Variants in PARD3 observed in about 807,000 individuals in gnomAD.
PARD3 encodes the protein partitioning defective 3 homolog.
PARD3 carries 75 observed loss-of-function variants against 155.4 expected under a neutral mutation model. The observed-to-expected ratio is 0.48, with a 90% CI of 0.40 to 0.58. The LOEUF is 0.58. Among genes scored for constraint, PARD3 ranks in the 20% least tolerant of loss-of-function variants. The pLI is 0.00. For synonymous variants in PARD3, 576 were observed against 610.5 expected, an observed-to-expected ratio of 0.94 and a Z score of 0.83; for missense variants, 1,642 against 1,721.7, an observed-to-expected ratio of 0.95 and a Z score of 0.82.
At chr10:34,532,452 A>G (rs1714094693) in intron 2 of PARD3, among the ~76,000 whole-genome samples, 1 of 152,054 alleles carries the variant, frequency 6.6e-6, no homozygotes, top group Non-Finnish European at 1.5e-5. Flanking sequence ...TGGGCTCATC[A>G]CGTGTTTTCT....
chr10:34,597,659 A>G (rs1042838854), intron 2 of PARD3, among the ~76,000 whole-genome samples: 1 of 152,202 alleles, frequency 6.6e-6, no homozygotes, highest in Non-Finnish European at 1.5e-5. Flanking sequence ...AAGAAAAACA[A>G]TTCTTAGAAT....
chr10:34,491,787 T>C (rs2079926659), intron 3 of PARD3, among the ~76,000 whole-genome samples: 1 of 152,256 alleles, frequency 6.6e-6, no homozygotes, highest in Non-Finnish European at 1.5e-5. Context: ...GTAGCACTTT[T>C]ACAACTCTAA....
intron 20 of PARD3, among the ~76,000 whole-genome samples, chr10:34,292,284 A>C (rs993626873): frequency 1.3e-5 from 2 of 152,220 alleles, no homozygotes; most frequent in African/African-American, 4.8e-5. Context: ...AAAAAGGAAA[A>C]GAAAATAAGT....
chr10:34,307,937 G>C (rs889835958), intron 20 of PARD3, among the ~76,000 whole-genome samples: 1 of 152,204 alleles, frequency 6.6e-6, no homozygotes, highest in African/African-American at 2.4e-5. Flanking sequence ...AAGTGGGTTA[G>C]AAAAGTGTCA....
chr10:34,139,200 T>C (rs1753583), intron 22 of PARD3, among the ~76,000 whole-genome samples: 37,071 of 152,102 alleles, frequency 0.24, 5,210 homozygotes, highest in Non-Finnish European at 0.31. Context: ...AGGTTAAAGC[T>C]TCTAAGACTC....
At chr10:34,610,680 T>C (rs2090824048) in intron 2 of PARD3, among the ~76,000 whole-genome samples, 3 of 152,222 alleles carry the variant, frequency 2.0e-5, no homozygotes, top group African/African-American at 7.2e-5. Flanking sequence ...TATAATGTGG[T>C]TGCTGACAGC....
At chr10:34,269,562 T>A in intron 22 of PARD3, 95 bp downstream of exon 22, 1 of 1,395,240 alleles carries the variant, frequency 7.2e-7, no homozygotes, top group Non-Finnish European at 9.8e-7. Context: ...TAAAAGGCAA[T>A]TCTGGTTTGA....
chr10:34,277,841 T>A lies in PARD3; in HGVS notation c.3176+6294A>T, dbSNP rs557754540. On this transcript the variant is annotated intron_variant, in intron 21 of 24. Transcript: ENST00000374788. ...TCCAGGCAGTTAAAAGACTGCCCAC[T>A]TTCCATAAGCCTTTGTGCTTAGGGG... 3.9e-5 allele frequency among the ~76,000 whole-genome samples: 6 copies of A among 152,278 alleles called. No individual in the cohort carries two copies. In the South Asian group the frequency reaches 1.0e-3, roughly 26 times the overall value.
chr10:34,716,816 T>C (rs903979998), intron 1 of PARD3, among the ~76,000 whole-genome samples: 6 of 152,094 alleles, frequency 3.9e-5, no homozygotes, highest in African/African-American at 1.2e-4. Flanking sequence ...GGTCTCGCAC[T>C]GCCAACCTCA....
intron 3 of PARD3, among the ~76,000 whole-genome samples, chr10:34,512,527 C>G (rs190756241): frequency 6.6e-6 from 1 of 152,160 alleles, no homozygotes; most frequent in Admixed American, 6.5e-5. Context: ...CCTGTACAGG[C>G]TTGCATTCAG....
intron 4 of PARD3, among the ~76,000 whole-genome samples, chr10:34,461,884 A>T (rs755705273): frequency 4.6e-5 from 7 of 152,164 alleles, no homozygotes; most frequent in Non-Finnish European, 8.8e-5. Flanking sequence ...CCAAGCTCCA[A>T]AATTTTATCA....
intron 22 of PARD3, among the ~76,000 whole-genome samples, chr10:34,198,848 G>A (rs774282088): frequency 6.6e-6 from 1 of 152,072 alleles, no homozygotes; most frequent in Non-Finnish European, 1.5e-5. Flanking sequence ...GTGTCACGAT[G>A]GGTGATCATT....
In PARD3 at chr10:34,348,031, G is replaced by A. The variant is rs534658969; in HGVS notation, c.2152C>T (p.Leu718Phe). The change falls in exon 15 of 25, where the codon CTC (leucine) becomes TTC (phenylalanine). Residue 718 changes from leucine (L) to phenylalanine (F), a missense_variant. By Grantham distance (22) the Leu-to-Phe change is conservative (BLOSUM62 0). Transcript: ENST00000374788. ...DDRERRISHS[L>F]YSGIEGLDES... Reference sequence around the variant, plus strand: ...TCAAGCCCCTCAATCCCACTGTAGAGGGAATGGGAAATTCTTCGTTCTCTA... The same window carrying A: ...TCAAGCCCCTCAATCCCACTGTAGAAGGAATGGGAAATTCTTCGTTCTCTA... 1 of 1,613,502 alleles carries A rather than the reference G, an allele frequency of 6.2e-7. No individual in the cohort carries two copies.
At chr10:34,144,099 T>C (rs957112557) in intron 22 of PARD3, among the ~76,000 whole-genome samples, 13 of 152,166 alleles carry the variant, frequency 8.5e-5, no homozygotes, top group Non-Finnish European at 2.9e-5. Context: ...ACCATATTGG[T>C]TTGGAGTTAT....
chr10:34,530,087 A>G (rs1477012670), intron 2 of PARD3, among the ~76,000 whole-genome samples: 2 of 152,128 alleles, frequency 1.3e-5, no homozygotes, highest in Non-Finnish European at 2.9e-5. Flanking sequence ...AAAGGTCTTC[A>G]TCGTCATCAT....
rs1166404473 is a variant in PARD3 at position 34,661,287 on chromosome 10, C to A, written c.222+35031G>T. On this transcript the variant is annotated intron_variant, in intron 2 of 24. Transcript: ENST00000374788. ...GTACCCAATGTGCTGACAAAGCTAA[C>A]TCATCTATAATTAATAAAGGAACAG... is the stretch of plus-strand genomic sequence containing the variant. Among the ~76,000 whole-genome samples the A allele has an allele frequency of 2.6e-5, 4 of 152,174 alleles. No individual in the cohort carries two copies. The East Asian group carries it at 7.7e-4, about 29-fold the overall frequency.
chr10:34,128,699 AC>A (rs1273068937), intron 23 of PARD3, among the ~76,000 whole-genome samples: 1 of 152,090 alleles, frequency 6.6e-6, no homozygotes, highest in Non-Finnish European at 1.5e-5. Context: ...TCTTCCTCAA[AC>A]CCTAATTTGG....
rs112526491 is a variant in PARD3, at chr10:34,414,085, C to T, written c.715-12168G>A. On this transcript the variant is annotated intron_variant, in intron 5 of 24. Transcript: ENST00000374788. ...TGGTAACACGTGCCTATAGTCTCAG[C>T]GACTCAGGAGGCTGAGGTGGGAGGA... 1.9e-3 allele frequency among the ~76,000 whole-genome samples: 289 copies of T among 152,086 alleles called. 2 individuals are homozygous for T. Among genetic ancestry groups the T allele is most frequent in the African/African-American group, 6.6e-3 (274 of 41,478 alleles).
chr10:34,595,896 G>A lies in PARD3; in HGVS notation c.223-78737C>T, dbSNP rs562190793. ...AATCCCAGCACTTTGGGAGGCCAACGTGGGAGGATTGCTTAAGCCTAGGAG... is the reference window on the plus strand; with the variant it reads ...AATCCCAGCACTTTGGGAGGCCAACATGGGAGGATTGCTTAAGCCTAGGAG... On this transcript the variant is annotated intron_variant, in intron 2 of 24. Coordinates refer to ENST00000374788, the MANE Select transcript of PARD3 (RefSeq NM_001184785.2). 5.9e-5 allele frequency among the ~76,000 whole-genome samples: 9 copies of A among 152,260 alleles called. No individual in the cohort carries two copies. In the South Asian group the frequency reaches 6.2e-4, roughly 11 times the overall value.
Sources: gnomAD v4.1 joint callset for allele counts (sites outside exome capture counted in the v4.1 genomes callset) on GRCh38, gnomAD v4.1.1 for gene constraint, MANE v1.5 for transcripts, NCBI Gene and HGNC (gene_info 2026-07-23, HGNC 2026-07-21) for gene names.